The following VEPH1 variants were observed in gnomAD, a reference collection of about 807,000 sequenced individuals.
VEPH1 encodes the protein ventricular zone-expressed PH domain-containing protein homolog 1.
Under a neutral mutation model 85.2 loss-of-function variants are expected in VEPH1, and 80 were observed. The observed-to-expected ratio is 0.94, with a 90% CI of 0.78 to 1.13. The LOEUF (loss-of-function observed/expected upper bound fraction) is 1.13. Ranked by LOEUF, VEPH1 falls within the 50% of genes most tolerant of loss-of-function variation. The pLI is 0.00. For synonymous variants in VEPH1, 297 were observed against 348.0 expected (o/e 0.85, Z 1.63); for missense variants, 955 against 980.5 (o/e 0.97, Z 0.35).
intron 7 of VEPH1, among the ~76,000 whole-genome samples, chr3:157,367,698 T>A (rs529108841): frequency 2.2e-4 from 33 of 152,176 alleles, no homozygotes; most frequent in Non-Finnish European, 4.3e-4. Context: ...TTTTTAGAGA[T>A]GGGGGTCTTG....
Position 157,331,034 on chromosome 3 carries a change from C to A in VEPH1, c.1736-13833G>T, listed in dbSNP as rs145586432. Reference sequence around the variant, plus strand: ...GGAGATTGGCCCTGTGCATGGATATCCTGTGTTCACCTGAATGGATCTTGC... The same window carrying A: ...GGAGATTGGCCCTGTGCATGGATATACTGTGTTCACCTGAATGGATCTTGC... On this transcript the variant is annotated intron_variant, in intron 9 of 13. Coordinates refer to ENST00000362010, the MANE Select transcript of VEPH1 (RefSeq NM_001167912.2). Among the ~76,000 whole-genome samples the A allele has an allele frequency of 1.3e-3, 199 of 152,278 alleles. 1 individual carries two copies. The highest frequency in any genetic ancestry group is 3.4e-3 in the Middle Eastern group (1 of 294).
intron 7 of VEPH1, among the ~76,000 whole-genome samples, chr3:157,369,280 T>G (rs1054829173): frequency 6.9e-6 from 1 of 144,754 alleles, no homozygotes; most frequent in African/African-American, 2.6e-5. Context: ...GATGGCACAG[T>G]GCTATTTGGT....
chr3:157,432,155 T>C (rs1050582371), intron 4 of VEPH1, among the ~76,000 whole-genome samples: 3 of 152,146 alleles, frequency 2.0e-5, no homozygotes, highest in Non-Finnish European at 2.9e-5. Context: ...GCCCTTTTCA[T>C]ATATTTATAG....
intron 2 of VEPH1, among the ~76,000 whole-genome samples, chr3:157,491,091 A>G (rs1043086789): frequency 3.3e-5 from 5 of 152,152 alleles, no homozygotes; most frequent in African/African-American, 1.2e-4. Context: ...AAAAACAAAA[A>G]CAAAAAGCAA....
rs11408861 is a variant in VEPH1, at chr3:157,269,642, G to GTTTTTT, written c.2129-3986_2129-3981dup. On this transcript the variant is annotated intron_variant, in intron 12 of 13. Coordinates refer to ENST00000362010, the MANE Select transcript of VEPH1 (RefSeq NM_001167912.2). The stretch of plus-strand genomic sequence containing the variant: ...TTTGTTTTTTGTTTTTGTTTTTGTT[G>GTTTTTT]TTTTTTTTTTTTTTTTTTGCTATTA... 5.8e-3 allele frequency among the ~76,000 whole-genome samples: 672 copies of GTTTTTT among 115,342 alleles called. 4 individuals carry two copies. Among genetic ancestry groups the GTTTTTT allele is most frequent in the Non-Finnish European group, 8.2e-3 (469 of 57,300 alleles). 75.7% of individuals were successfully genotyped at this position (115,342 alleles called of 152,430 possible). A position where few individuals can be genotyped will look rare whatever the true frequency, so the allele number is the denominator to read the frequency against.
At chr3:157,301,791 G>A (rs1718843910) in intron 11 of VEPH1, among the ~76,000 whole-genome samples, 1 of 152,018 alleles carries the variant, frequency 6.6e-6, no homozygotes, top group African/African-American at 2.4e-5. Context: ...CCTGAACTGG[G>A]ACCATTTCCT....
At chr3:157,333,974 C>T (rs10936082) in intron 9 of VEPH1, among the ~76,000 whole-genome samples, 27,425 of 152,102 alleles carry the variant, frequency 0.18, 3,151 homozygotes, top group Non-Finnish European at 0.27. Flanking sequence ...CATCAGGCAT[C>T]AGAAGAACAC....
At chr3:157,365,960 A>G (rs1396216307) in intron 7 of VEPH1, among the ~76,000 whole-genome samples, 1 of 152,174 alleles carries the variant, frequency 6.6e-6, no homozygotes, top group African/African-American at 2.4e-5. Flanking sequence ...CCCTCCCCAG[A>G]GACTGGGGTT....
At chr3:157,285,044 C>T (rs1021173568) in intron 12 of VEPH1, 3 of 152,172 alleles carry the variant, frequency 2.0e-5, no homozygotes, top group African/African-American at 7.2e-5. Flanking sequence ...ACTCAGCTTA[C>T]TTGGAGTGAA....
chr3:157,367,507 A>T (rs1726842431), intron 7 of VEPH1, among the ~76,000 whole-genome samples: 1 of 152,240 alleles, frequency 6.6e-6, no homozygotes, highest in African/African-American at 2.4e-5. Flanking sequence ...ATGAAACTAA[A>T]ATATTTCTCT....
intron 12 of VEPH1, among the ~76,000 whole-genome samples, chr3:157,270,267 A>G (rs1481567930): frequency 2.0e-5 from 3 of 149,882 alleles, no homozygotes; most frequent in Non-Finnish European, 4.4e-5. Context: ...GTGAAATGCC[A>G]TCTCTTAAAA....
At chr3:157,425,002 G>A (rs1224148012) in intron 5 of VEPH1, among the ~76,000 whole-genome samples, 2 of 152,178 alleles carry the variant, frequency 1.3e-5, no homozygotes, top group Non-Finnish European at 2.9e-5. Flanking sequence ...TCCCATCACA[G>A]GCCCAGAGAT....
chr3:157,264,212 G>A (rs962038588), intron 13 of VEPH1, among the ~76,000 whole-genome samples: 1 of 152,170 alleles, frequency 6.6e-6, no homozygotes, highest in Non-Finnish European at 1.5e-5. Flanking sequence ...TCCTGGTTTT[G>A]GGGCCTTCAG....
At chr3:157,377,922 A>G (rs572800342) in intron 7 of VEPH1, among the ~76,000 whole-genome samples, 5 of 152,216 alleles carry the variant, frequency 3.3e-5, no homozygotes, top group Non-Finnish European at 7.4e-5. Context: ...TTTTCTCTTT[A>G]TATAAAGCTT....
At chr3:157,389,528 A>C (rs1729633124) in intron 6 of VEPH1, among the ~76,000 whole-genome samples, 1 of 152,170 alleles carries the variant, frequency 6.6e-6, no homozygotes, top group South Asian at 2.1e-4. Flanking sequence ...CCAAATCAAT[A>C]CTATAGTGCT....
intron 9 of VEPH1, among the ~76,000 whole-genome samples, chr3:157,317,772 G>A (rs1279341478): frequency 6.6e-6 from 1 of 152,256 alleles, no homozygotes; most frequent in African/African-American, 2.4e-5. Flanking sequence ...AGTAGTGGGT[G>A]AGTGGTGTAG....
chr3:157,365,429 T>C (rs1412389751), intron 7 of VEPH1, among the ~76,000 whole-genome samples: 3 of 152,140 alleles, frequency 2.0e-5, no homozygotes, highest in African/African-American at 7.2e-5. Flanking sequence ...TGACACCCAA[T>C]ATGTGGGTTT....
At chr3:157,357,427 A>T (rs1725564176) in intron 9 of VEPH1, among the ~76,000 whole-genome samples, 1 of 152,224 alleles carries the variant, frequency 6.6e-6, no homozygotes, top group African/African-American at 2.4e-5. Flanking sequence ...TCATCTGTAG[A>T]TAAATAACAG....
intron 12 of VEPH1, among the ~76,000 whole-genome samples, chr3:157,271,061 G>A (rs1373678172): frequency 1.3e-5 from 2 of 152,100 alleles, no homozygotes; most frequent in South Asian, 2.1e-4. Flanking sequence ...TGAAGAAGCC[G>A]GAAGAATCAG....
Sources: gnomAD v4.1 joint callset for allele counts (sites outside exome capture counted in the v4.1 genomes callset) on GRCh38, gnomAD v4.1.1 for gene constraint, MANE v1.5 for transcripts, NCBI Gene and HGNC (gene_info 2026-07-23, HGNC 2026-07-21) for gene names.